LRCH1: variants seen among roughly 807,000 people sequenced by gnomAD.
The protein encoded by LRCH1 is leucine-rich repeat and calponin homology domain-containing protein 1.
A neutral mutation model predicts 94.9 loss-of-function variants in LRCH1; 23 were observed. The ratio of observed to expected loss-of-function variants is 0.24; its 90% confidence interval spans 0.17 to 0.34. The LOEUF (loss-of-function observed/expected upper bound fraction) is 0.34, where lower values mean the gene tolerates loss of function less well. Ranked by LOEUF, LRCH1 falls within the 10% of genes least tolerant of loss-of-function variation. The pLI is 1.00. For synonymous variants in LRCH1, 364 were observed against 354.9 expected (o/e 1.03, Z -0.29); for missense variants, 790 against 945.9 (o/e 0.84, Z 2.16).
chr13:46,573,865 TA>T (rs747356312), intron 1 of LRCH1, among the ~76,000 whole-genome samples: 2,085 of 77,342 alleles, frequency 0.027, 71 homozygotes, highest in African/African-American at 0.1. Flanking sequence ...TATATATATA[TA>T]TTTTTTTTTT....
At chr13:46,646,955 A>G (rs2051228030) in intron 1 of LRCH1, among the ~76,000 whole-genome samples, 1 of 152,020 alleles carries the variant, frequency 6.6e-6, no homozygotes, top group Non-Finnish European at 1.5e-5. Context: ...TGTACTAAAA[A>G]TACAAAAATT....
chr13:46,588,570 G>T (rs2137956714), intron 1 of LRCH1, among the ~76,000 whole-genome samples: 1 of 150,336 alleles, frequency 6.7e-6, no homozygotes, highest in African/African-American at 2.4e-5. Flanking sequence ...TTAACATGGT[G>T]CTGTATTTCG....
chr13:46,593,618 A>G (rs1229165951), intron 1 of LRCH1, among the ~76,000 whole-genome samples: 3 of 152,104 alleles, frequency 2.0e-5, no homozygotes, highest in Non-Finnish European at 4.4e-5. Context: ...GTGGCTGCCT[A>G]GTTAACCGTG....
chr13:46,648,739 G>T (rs1216313675), intron 1 of LRCH1, among the ~76,000 whole-genome samples: 1 of 151,854 alleles, frequency 6.6e-6, no homozygotes, highest in Non-Finnish European at 1.5e-5. Context: ...TATAAATTTT[G>T]CATATTCCTT....
chr13:46,650,400 T>C, intron 2 of LRCH1, 55 bp downstream of exon 2: 3 of 1,451,186 alleles, frequency 2.1e-6, no homozygotes, highest in Admixed American at 2.3e-5. Flanking sequence ...AAAAAACTTA[T>C]GCTTTCATTT....
intron 1 of LRCH1, among the ~76,000 whole-genome samples, chr13:46,599,082 A>G (rs903839298): frequency 1.1e-4 from 16 of 152,192 alleles, no homozygotes; most frequent in Non-Finnish European, 4.4e-5. Flanking sequence ...AAATAGAAGC[A>G]TAGAGTATTT....
At chr13:46,573,130 T>C (rs1361346724) in intron 1 of LRCH1, among the ~76,000 whole-genome samples, 2 of 152,250 alleles carry the variant, frequency 1.3e-5, no homozygotes, top group Non-Finnish European at 2.9e-5. Flanking sequence ...TTCTGACTTA[T>C]TCATTTGCTT....
At chr13:46,592,958 T>C (rs547897806) in intron 1 of LRCH1, among the ~76,000 whole-genome samples, 67 of 152,178 alleles carry the variant, frequency 4.4e-4, no homozygotes, top group African/African-American at 1.5e-3. Flanking sequence ...CCTGTCCTCC[T>C]ATGTCCCTTC....
chr13:46,661,143 T>A (rs1358905365), intron 2 of LRCH1, among the ~76,000 whole-genome samples: 1 of 152,188 alleles, frequency 6.6e-6, no homozygotes, highest in African/African-American at 2.4e-5. Context: ...GTACGTTTTA[T>A]TCCAGAGGAA....
chr13:46,634,474 A>C (rs1044307116), intron 1 of LRCH1, among the ~76,000 whole-genome samples: 3 of 152,198 alleles, frequency 2.0e-5, no homozygotes, highest in Non-Finnish European at 4.4e-5. Flanking sequence ...TGCCAGTCAC[A>C]GTTCTCAAAG....
At chr13:46,564,336 A>C (rs961422719) in intron 1 of LRCH1, among the ~76,000 whole-genome samples, 5 of 152,228 alleles carry the variant, frequency 3.3e-5, no homozygotes, top group African/African-American at 2.4e-5. Flanking sequence ...TAACCCTAGC[A>C]GACCTGGGCC....
At chr13:46,591,745 G>A (rs1037208352) in intron 1 of LRCH1, among the ~76,000 whole-genome samples, 6 of 152,216 alleles carry the variant, frequency 3.9e-5, no homozygotes, top group African/African-American at 1.2e-4. Flanking sequence ...AAGCATATTT[G>A]AAACCAATAA....
intron 1 of LRCH1, among the ~76,000 whole-genome samples, chr13:46,636,361 T>G (rs769427754): frequency 6.6e-5 from 10 of 152,192 alleles, no homozygotes; most frequent in Non-Finnish European, 1.3e-4. Context: ...CATGAGCCAC[T>G]GCGCCTGGCC....
intron 3 of LRCH1, among the ~76,000 whole-genome samples, chr13:46,673,480 C>A (rs1400825691): frequency 7.3e-6 from 1 of 137,352 alleles, no homozygotes; most frequent in Non-Finnish European, 1.6e-5. Context: ...GTAACCATAT[C>A]ATTATTTTTA....
Position 46,687,833 on chromosome 13 carries a change from G to A in LRCH1, c.823-19G>A. ...TTGTCATTGAAAAATGAATATGATT[G>A]CTATTAATTTCTTTGTAGATTTGCA... On this transcript the variant is annotated intron_variant, in intron 5 of 19. Transcript: ENST00000389797. 1 of 1,596,094 alleles carries A rather than the reference G, an allele frequency of 6.3e-7. No individual in the cohort carries two copies. The highest frequency in any genetic ancestry group is 1.1e-5 in the South Asian group (1 of 88,710).
At chr13:46,588,075 A>G (rs1176526557) in intron 1 of LRCH1, among the ~76,000 whole-genome samples, 1 of 152,212 alleles carries the variant, frequency 6.6e-6, no homozygotes, top group Admixed American at 6.5e-5. Flanking sequence ...AAATCCAGTC[A>G]TATATCTCTG....
At chr13:46,700,722 A>G (rs760150580) in intron 10 of LRCH1, among the ~76,000 whole-genome samples, 4 of 152,206 alleles carry the variant, frequency 2.6e-5, no homozygotes, top group South Asian at 2.1e-4. Context: ...TGAAAGTAAT[A>G]AAACTGGTTG....
At chr13:46,722,451 C>G (rs1872624845) in intron 16 of LRCH1, among the ~76,000 whole-genome samples, 1 of 152,210 alleles carries the variant, frequency 6.6e-6, no homozygotes, top group Non-Finnish European at 1.5e-5. Context: ...TTCTCCGATG[C>G]ATAGAACATT....
downstream of LRCH1, among the ~76,000 whole-genome samples, chr13:46,747,481 A>T (rs1272773049): frequency 2.6e-5 from 4 of 152,198 alleles, no homozygotes; most frequent in East Asian, 7.7e-4. Context: ...AGGACACAGG[A>T]TAGGACACCT....
Sources: gnomAD v4.1 joint callset for allele counts (sites outside exome capture counted in the v4.1 genomes callset) on GRCh38, gnomAD v4.1.1 for gene constraint, MANE v1.5 for transcripts, NCBI Gene and HGNC (gene_info 2026-07-23, HGNC 2026-07-21) for gene names.